TRIQK: variants seen among roughly 807,000 people sequenced by gnomAD.
TRIQK encodes triple QxxK/R motif containing.
In TRIQK, 10 loss-of-function variants were observed where a neutral mutation model predicts 10.8. The ratio of observed to expected loss-of-function variants is 0.92; its 90% CI spans 0.57 to 1.57. The LOEUF is 1.57. Among genes scored for constraint, TRIQK ranks in the 40% most tolerant of loss-of-function variants. The probability of loss-of-function intolerance (pLI) is 0.00; values close to 1 mark genes in which losing one functional copy is unlikely to be tolerated. For synonymous variants in TRIQK, 33 were observed against 33.7 expected (o/e 0.98, Z 0.07); for missense variants, 107 against 97.7 (o/e 1.09, Z -0.40).
chr8:92,929,561 T>C (rs1339089828), intron 2 of TRIQK: 1 of 152,134 alleles, frequency 6.6e-6, no homozygotes, highest in East Asian at 1.9e-4. Context: ...AACAACACAT[T>C]AAATTTATAC....
intron 1 of TRIQK, among the ~76,000 whole-genome samples, chr8:92,988,489 G>C (rs924232062): frequency 6.6e-6 from 1 of 152,116 alleles, no homozygotes; most frequent in Non-Finnish European, 1.5e-5. Context: ...ATATTGGTTT[G>C]CTAAATTTAT....
intron 1 of TRIQK, among the ~76,000 whole-genome samples, chr8:92,975,797 A>G (rs1024792741): frequency 6.6e-6 from 1 of 151,940 alleles, no homozygotes; most frequent in African/African-American, 2.4e-5. Flanking sequence ...TTTCTAATAT[A>G]GGAGATAAAT....
chr8:92,937,535 T>G (rs1811052949), intron 2 of TRIQK, among the ~76,000 whole-genome samples: 1 of 151,708 alleles, frequency 6.6e-6, no homozygotes, highest in African/African-American at 2.4e-5. Flanking sequence ...TCCCTCATCC[T>G]ACAATTTATT....
intron 2 of TRIQK, among the ~76,000 whole-genome samples, chr8:92,923,724 AC>A (rs1337289310): frequency 6.6e-6 from 1 of 151,890 alleles, no homozygotes; most frequent in Non-Finnish European, 1.5e-5. Context: ...TTAAGATTAA[AC>A]ATAGCATTCT....
chr8:92,953,581 A>T (rs1812017039), intron 2 of TRIQK: 1 of 152,014 alleles, frequency 6.6e-6, no homozygotes, highest in African/African-American at 2.4e-5. Flanking sequence ...ATATGGATGA[A>T]GAGCAATTCA....
chr8:92,888,202 T>C lies in TRIQK; in HGVS notation c.148-1467A>G, dbSNP rs527469872. 2.0e-5 allele frequency among the ~76,000 whole-genome samples: 3 copies of C among 151,800 alleles called. No homozygotes were observed. The East Asian group carries it at 5.8e-4, about 29-fold the overall frequency. On this transcript the variant is annotated intron_variant, in intron 4 of 4. Transcript: ENST00000521988. Reference sequence around the variant, plus strand: ...GGACAACAAAACTGTTCAACAGCAGTCCCCATTCGCCCAAGCTTAATGCAA... The same window carrying C: ...GGACAACAAAACTGTTCAACAGCAGCCCCCATTCGCCCAAGCTTAATGCAA...
chr8:92,894,446 A>G (rs1049297234), intron 3 of TRIQK, among the ~76,000 whole-genome samples: 3 of 149,440 alleles, frequency 2.0e-5, no homozygotes, highest in African/African-American at 7.6e-5. Flanking sequence ...ACTTACACCT[A>G]AGGGAAAAAA....
chr8:92,999,304 T>A (rs1188620399), intron 1 of TRIQK, among the ~76,000 whole-genome samples: 2 of 152,172 alleles, frequency 1.3e-5, no homozygotes, highest in African/African-American at 4.8e-5. Context: ...TTGTTTTTAA[T>A]ATTTTTATTG....
intron 1 of TRIQK, among the ~76,000 whole-genome samples, chr8:92,974,988 G>A (rs1812916596): frequency 6.6e-6 from 1 of 152,174 alleles, no homozygotes; most frequent in African/African-American, 2.4e-5. Context: ...TGGTTTCAGG[G>A]TTCCATTCTC....
chr8:92,932,955 G>A (rs1306963506), intron 2 of TRIQK, among the ~76,000 whole-genome samples: 1 of 152,066 alleles, frequency 6.6e-6, no homozygotes, highest in Non-Finnish European at 1.5e-5. Flanking sequence ...GGTTTAGCGT[G>A]TGTTTTCCCT....
intron 4 of TRIQK, among the ~76,000 whole-genome samples, chr8:92,888,046 A>C (rs921776593): frequency 3.3e-5 from 5 of 151,680 alleles, no homozygotes; most frequent in Admixed American, 2.0e-4. Flanking sequence ...TGGCAGCATC[A>C]GACAGGTTTC....
At chr8:92,946,085 A>G (rs913897112) in intron 2 of TRIQK, among the ~76,000 whole-genome samples, 2 of 152,136 alleles carry the variant, frequency 1.3e-5, no homozygotes, top group African/African-American at 2.4e-5. Context: ...TACTTTGATG[A>G]TATACAGAAA....
intron 2 of TRIQK, among the ~76,000 whole-genome samples, chr8:92,944,824 A>G (rs995498096): frequency 1.3e-5 from 2 of 152,160 alleles, no homozygotes; most frequent in Non-Finnish European, 2.9e-5. Flanking sequence ...CAAATATGGT[A>G]TTGTATATTT....
intron 2 of TRIQK, among the ~76,000 whole-genome samples, chr8:92,925,858 G>C (rs772491753): frequency 1.1e-4 from 16 of 152,148 alleles, no homozygotes; most frequent in Non-Finnish European, 2.4e-4. Flanking sequence ...TTATGTAAGA[G>C]AGATAAATGT....
At chr8:92,908,320 C>T (rs1165504184) in intron 3 of TRIQK, among the ~76,000 whole-genome samples, 2 of 152,156 alleles carry the variant, frequency 1.3e-5, no homozygotes, top group Admixed American at 6.5e-5. Context: ...TACTGCTCTT[C>T]CTCTGCCTTT....
At chr8:93,004,205 G>A (rs10094860) in intron 1 of TRIQK, among the ~76,000 whole-genome samples, 36,530 of 152,030 alleles carry the variant, frequency 0.24, 5,379 homozygotes, top group African/African-American at 0.42. Flanking sequence ...AGGCATTTCC[G>A]TACATCCTCT....
chr8:92,935,433 T>C (rs1047849498), intron 2 of TRIQK, among the ~76,000 whole-genome samples: 2 of 151,716 alleles, frequency 1.3e-5, no homozygotes, highest in Non-Finnish European at 3.0e-5. Context: ...TGCACGTTCC[T>C]TTATGTACAG....
intron 1 of TRIQK, among the ~76,000 whole-genome samples, chr8:92,992,707 G>A (rs544552089): frequency 1.6e-4 from 24 of 152,266 alleles, no homozygotes; most frequent in African/African-American, 4.6e-4. Context: ...TATTTATTGC[G>A]AGACCATGAA....
intron 1 of TRIQK, among the ~76,000 whole-genome samples, chr8:92,961,246 G>A (rs1347835817): frequency 6.6e-6 from 1 of 152,024 alleles, no homozygotes; most frequent in African/African-American, 2.4e-5. Context: ...TTCTACATAA[G>A]CCAGTGTTTT....
Sources: gnomAD v4.1 joint callset for allele counts (sites outside exome capture counted in the v4.1 genomes callset) on GRCh38, gnomAD v4.1.1 for gene constraint, MANE v1.5 for transcripts, NCBI Gene and HGNC (gene_info 2026-07-23, HGNC 2026-07-21) for gene names.